Variants in PATE1 observed in about 807,000 individuals in gnomAD.
PATE1 encodes the protein prostate and testis expressed protein 1.
A neutral mutation model predicts 13.1 loss-of-function variants in PATE1; 21 were observed. The observed-to-expected ratio is 1.61, with a 90% CI of 1.14 to 2.31. PATE1 has a LOEUF of 2.31. Among genes scored for constraint, PATE1 ranks in the 30% most tolerant of loss-of-function variants. The probability of loss-of-function intolerance (pLI) is 0.00; values close to 1 mark genes in which losing one functional copy is unlikely to be tolerated. For synonymous variants in PATE1, 52 were observed against 47.1 expected (o/e 1.10, Z -0.43); for missense variants, 166 against 147.2 (o/e 1.13, Z -0.66).
At chr11:125,747,651 C>T (rs775973348) in intron 3 of PATE1, 49 bp from the exon 4 acceptor site, 45 of 1,607,154 alleles carry the variant, frequency 2.8e-5, no homozygotes, top group African/African-American at 4.0e-5. Context: ...GGGTTCTTTC[C>T]TGGTAGTGCC....
chr11:125,747,283 A>G, intron 2 of PATE1, 93 bp from the exon 3 acceptor site: 1 of 1,188,596 alleles, frequency 8.4e-7, no homozygotes, highest in Non-Finnish European at 1.2e-6. Context: ...TTAAGAGTGC[A>G]GGATGGACCC....
Position 125,747,688 on chromosome 11 carries a change from T to C in PATE1, c.125-12T>C. The C allele has an allele frequency of 6.2e-7, 1 of 1,612,648 alleles. No homozygotes were observed. Among genetic ancestry groups the C allele is most frequent in the South Asian group, 1.1e-5 (1 of 91,024 alleles). On this transcript the variant is annotated splice_polypyrimidine_tract_variant and intron_variant, in intron 3 of 4. Transcript: ENST00000305738. ...TCTTTTCTCACTTCTCTTTCCCCTC[T>C]CTCTGGCCAAGTGATAGAAATTGTT...
In PATE1 at chr11:125,747,431, G is replaced by A. The variant is rs1943283321; in HGVS notation, c.124+20G>A. ...TTCCTGGTAAGTATGAAGAGGACCT[G>A]TCTGATCACCTCAGTCTTGATAATG... is the stretch of plus-strand genomic sequence containing the variant. On this transcript the variant is annotated intron_variant, in intron 3 of 4. Transcript: ENST00000305738. 2.5e-6 allele frequency: 4 copies of A among 1,602,942 alleles called. No homozygotes were observed. The East Asian group carries it at 8.9e-5, about 36-fold the overall frequency.
At position 125,747,795 on chromosome 11, in the gene PATE1, G is replaced by T; in HGVS notation, c.220G>T (p.Ala74Ser). Residue 74 changes from alanine (A) to serine (S), a missense_variant, in exon 4 of 5, where the codon GCC becomes TCC. Transcript: ENST00000305738. ...AATATGCACAGCAACAACAGAAGAGGCCTGCATGGTTGGAAGGATGTTCAA... is the reference window on the plus strand; with the variant it reads ...AATATGCACAGCAACAACAGAAGAGTCCTGCATGGTTGGAAGGATGTTCAA... ...RGICTATTEE[A>S]CMVGRMFKRD... is the part of the protein sequence containing the mutation. 1 of 1,613,902 alleles carries T rather than the reference G, an allele frequency of 6.2e-7. No homozygotes were observed. The highest frequency in any genetic ancestry group is 8.5e-7 in the Non-Finnish European group (1 of 1,179,816).
chr11:125,746,343 C>T lies in PATE1; in HGVS notation c.39C>T (p.Leu13=), dbSNP rs143155403. ...KSLLLELPIL[L]CCFRALSGSL... ...TCTTGCTGGAACTCCCCATCCTGCTCTGCTGCTTTAGGGGTGAGTCCCTAG... is the reference window on the plus strand; with the variant it reads ...TCTTGCTGGAACTCCCCATCCTGCTTTGCTGCTTTAGGGGTGAGTCCCTAG... The change falls in exon 1 of 5, where the codon CTC becomes CTT. Residue 13 remains leucine (L), a synonymous_variant. Transcript: ENST00000305738. 1.2e-4 allele frequency: 196 copies of T among 1,613,956 alleles called. No individual in the cohort carries two copies. In the African/African-American group the frequency reaches 1.5e-3, roughly 13 times the overall value.
chr11:125,748,541 G>GT (rs1264257426), intron 4 of PATE1, 59 bp from the exon 5 acceptor site: 7 of 1,585,848 alleles, frequency 4.4e-6, no homozygotes, highest in East Asian at 2.2e-5. Context: ...CTGGAGAAAA[G>GT]TTTTTTAGCA....
At position 125,747,778 on chromosome 11, in the gene PATE1, C is replaced by T. The variant is rs748936841; in HGVS notation, c.203C>T (p.Thr68Ile). The change falls in exon 4 of 5, where the codon ACA becomes ATA. Residue 68 changes from threonine to isoleucine, a missense_variant. Coordinates refer to ENST00000305738, the MANE Select transcript of PATE1 (RefSeq NM_138294.3). Reference sequence around the variant, plus strand: ...TGCTCCAGAGGAAGAGGAATATGCACAGCAACAACAGAAGAGGCCTGCATG... The same window carrying T: ...TGCTCCAGAGGAAGAGGAATATGCATAGCAACAACAGAAGAGGCCTGCATG... ...EKCSRGRGIC[T>I]ATTEEACMVG... 1 of 1,613,888 alleles carries T rather than the reference C, an allele frequency of 6.2e-7. No homozygotes were observed. Among genetic ancestry groups the T allele is most frequent in the Non-Finnish European group, 8.5e-7 (1 of 1,179,852 alleles).
rs1943311717 is a variant in PATE1 at position 125,749,522 on chromosome 11, C to A, written c.*789C>A. 1 of 152,236 alleles carries A rather than the reference C, an allele frequency of 6.6e-6. No homozygotes were observed. The highest frequency in any genetic ancestry group is 2.1e-4 in the South Asian group (1 of 4,814). The allele number at this position is 152,236 out of a possible 1,614,324, so 9.4% of individuals were successfully genotyped here. A position where few individuals can be genotyped will look rare whatever the true frequency, so the allele number is the denominator to read the frequency against. ...GCCACCAGCAGCAAAACAAATATTCCCATGCCTGGAGCATGGCATAGAGGA... is the reference window on the plus strand; with the variant it reads ...GCCACCAGCAGCAAAACAAATATTCACATGCCTGGAGCATGGCATAGAGGA... On this transcript the variant is annotated 3_prime_UTR_variant, in exon 5 of 5. Transcript: ENST00000305738.
chr11:125,746,784 A>C, intron 2 of PATE1, 88 bp downstream of exon 2: 1 of 1,414,024 alleles, frequency 7.1e-7, no homozygotes, highest in Non-Finnish European at 1.0e-6. Context: ...GGGGCCAAAA[A>C]AAACCAAAAT....
chr11:125,746,434 C>G, intron 1 of PATE1, 78 bp downstream of exon 1: 1 of 1,492,792 alleles, frequency 6.7e-7, no homozygotes, highest in Non-Finnish European at 9.3e-7. Context: ...GAGGCCTTCT[C>G]ATGGGAGTCC....
In PATE1 at chr11:125,748,728, C is replaced by T. The variant is rs759773490; in HGVS notation, c.376C>T (p.Leu126Phe). Reference protein sequence around the residue: ...CRSHDLCNEDL With the variant: ...CRSHDLCNEDF ...GAGCCATGACCTGTGCAATGAAGAC[C>T]TTTAGAAGTTAATGGTTCTTCTGTG... is the stretch of plus-strand genomic sequence containing the variant. Residue 126 changes from leucine (L) to phenylalanine (F), a missense_variant, in exon 5 of 5, where the codon CTT (leucine) becomes TTT (phenylalanine). Transcript: ENST00000305738. The T allele has an allele frequency of 5.0e-6, 8 of 1,612,600 alleles. No homozygotes were observed. Among genetic ancestry groups the T allele is most frequent in the South Asian group, 3.3e-5 (3 of 90,688 alleles).
chr11:125,746,287 G>T lies in PATE1; in HGVS notation c.-18G>T. On this transcript the variant is annotated 5_prime_UTR_variant, in exon 1 of 5. Coordinates refer to ENST00000305738, the MANE Select transcript of PATE1 (RefSeq NM_138294.3). The stretch of plus-strand genomic sequence containing the variant: ...TCTCGAAGCTTCGTGCTGTAGCCTG[G>T]CCCTCCCTCTTTCCAAAATGGACAA... 1 of 1,613,432 alleles carries T rather than the reference G, an allele frequency of 6.2e-7. No homozygotes were observed. The highest frequency in any genetic ancestry group is 1.1e-5 in the South Asian group (1 of 91,062).
At chr11:125,748,512 T>C (rs567877663) in intron 4 of PATE1, 88 bp from the exon 5 acceptor site, 36 of 1,433,564 alleles carry the variant, frequency 2.5e-5, no homozygotes, top group South Asian at 2.2e-4. Flanking sequence ...ACAAGATTAT[T>C]TCTATATGTT....
intron 2 of PATE1, among the ~76,000 whole-genome samples, chr11:125,746,984 A>C (rs1281765781): frequency 6.6e-6 from 1 of 152,196 alleles, no homozygotes; most frequent in Non-Finnish European, 1.5e-5. Flanking sequence ...CGCTTGGCCA[A>C]ATCTAAAGCG....
Position 125,748,787 on chromosome 11 carries a change from CT to C in PATE1, c.*55del, listed in dbSNP as rs1943303559. 1 of 1,589,650 alleles carries C rather than the reference CT, an allele frequency of 6.3e-7. No individual in the cohort carries two copies. Reference sequence around the variant, plus strand: ...TTCTGGGTGAGGTTGTTGCCTCAGCCTCTTCACAATGACTTTCTAAAAAAAA... The same window carrying C: ...TTCTGGGTGAGGTTGTTGCCTCAGCCCTTCACAATGACTTTCTAAAAAAAA... On this transcript the variant is annotated 3_prime_UTR_variant, in exon 5 of 5. Transcript: ENST00000305738.
intron 4 of PATE1, 115 bp downstream of exon 4, chr11:125,747,937 G>T: frequency 6.9e-7 from 1 of 1,447,168 alleles, no homozygotes; most frequent in South Asian, 1.3e-5. Flanking sequence ...TCTCATACCT[G>T]GGATGGCTGA....
At chr11:125,747,594 G>T in intron 3 of PATE1, 106 bp from the exon 4 acceptor site, 1 of 1,514,404 alleles carries the variant, frequency 6.6e-7, no homozygotes, top group Admixed American at 1.7e-5. Context: ...ATGGGCTCTG[G>T]CAAAGCCCTG....
In PATE1 at chr11:125,747,806, T is replaced by C. The variant is rs750736924; in HGVS notation, c.231T>C (p.Val77=). ...CAACAACAGAAGAGGCCTGCATGGT[T>C]GGAAGGATGTTCAAAAGTAAGTTGT... The part of the protein sequence containing the change: ...CTATTEEACM[V]GRMFKRDGNP... The change falls in exon 4 of 5, where the codon GTT becomes GTC. Residue 77 remains valine (V), a synonymous_variant. Transcript: ENST00000305738. The C allele has an allele frequency of 6.2e-7, 1 of 1,613,812 alleles. No individual in the cohort carries two copies. Among genetic ancestry groups the C allele is most frequent in the Non-Finnish European group, 8.5e-7 (1 of 1,179,784 alleles).
At chr11:125,748,541 GT>G (rs1264257426) in intron 4 of PATE1, 58 bp from the exon 5 acceptor site, 1 of 1,585,848 alleles carries the variant, frequency 6.3e-7, no homozygotes, top group South Asian at 1.2e-5. Flanking sequence ...CTGGAGAAAA[GT>G]TTTTTAGCAG....
Sources: gnomAD v4.1 joint callset for allele counts (sites outside exome capture counted in the v4.1 genomes callset) on GRCh38, gnomAD v4.1.1 for gene constraint, MANE v1.5 for transcripts, NCBI Gene and HGNC (gene_info 2026-07-23, HGNC 2026-07-21) for gene names.